The following TRPM3 variants were observed in gnomAD, a reference collection of about 807,000 sequenced individuals.
TRPM3 encodes the protein transient receptor potential cation channel subfamily M member 3, also known as long transient receptor potential channel 3.
Under a neutral mutation model 181.2 loss-of-function variants are expected in TRPM3, and 77 were observed. The ratio of observed to expected loss-of-function variants is 0.42; its 90% CI spans 0.35 to 0.51. The LOEUF (loss-of-function observed/expected upper bound fraction) is 0.51, where lower values mean the gene tolerates loss of function less well. Among genes scored for constraint, TRPM3 ranks in the 20% least tolerant of loss-of-function variants. The pLI is 0.01. For missense variants in TRPM3, 1,759 were observed against 2,196.7 expected, an observed-to-expected ratio of 0.80 and a Z score of 3.98; for synonymous variants, 745 against 796.4, an observed-to-expected ratio of 0.94 and a Z score of 1.09.
intron 9 of TRPM3, among the ~76,000 whole-genome samples, chr9:70,640,890 C>T (rs536506836): frequency 6.6e-6 from 1 of 152,140 alleles, no homozygotes; most frequent in African/African-American, 2.4e-5. Flanking sequence ...TTTTTAAAAA[C>T]TTTTTAAAAA....
chr9:71,335,195 C>G (rs1228634722), intron 1 of TRPM3, among the ~76,000 whole-genome samples: 2 of 152,090 alleles, frequency 1.3e-5, no homozygotes, highest in Admixed American at 6.6e-5. Flanking sequence ...TCTTGGAGAC[C>G]TGGAGTTAGC....
chr9:70,753,990 C>T (rs757279778), intron 8 of TRPM3, among the ~76,000 whole-genome samples: 2 of 152,096 alleles, frequency 1.3e-5, no homozygotes, highest in African/African-American at 4.8e-5. Context: ...GGCCACACAA[C>T]CATGGGGCTT....
At chr9:70,909,145 T>C (rs916913800) in intron 1 of TRPM3, among the ~76,000 whole-genome samples, 1 of 152,154 alleles carries the variant, frequency 6.6e-6, no homozygotes, top group African/African-American at 2.4e-5. Flanking sequence ...AAAAACTCCA[T>C]TGTAAGAAAT....
chr9:71,446,632 G>A (rs2094208096), intron 1 of TRPM3: 1 of 1,547,562 alleles, frequency 6.5e-7, no homozygotes, highest in Non-Finnish European at 8.7e-7. Context: ...CAAAGACTGG[G>A]GCTCTCCCCC....
intron 1 of TRPM3, among the ~76,000 whole-genome samples, chr9:71,424,250 T>C (rs1935338): frequency 0.56 from 85,065 of 152,042 alleles, 28,984 homozygotes; most frequent in Non-Finnish European, 0.76. Context: ...TTTGTTTACA[T>C]ATAGGTCAGG....
At chr9:71,351,870 G>GTTTTTTTTTTTTTTTTTTT (rs1398031517) in intron 1 of TRPM3, among the ~76,000 whole-genome samples, 5 of 95,656 alleles carry the variant, frequency 5.2e-5, no homozygotes, top group African/African-American at 8.0e-5. Context: ...TTGTTTGTTT[G>GTTTTTTTTTTTTTTTTTTT]TTTTTGTTTT....
At chr9:71,214,413 T>G (rs2079714051) in intron 1 of TRPM3, among the ~76,000 whole-genome samples, 1 of 152,188 alleles carries the variant, frequency 6.6e-6, no homozygotes, top group Non-Finnish European at 1.5e-5. Context: ...TTAAGAGTAA[T>G]GAAAACATAC....
chr9:70,803,512 G>T (rs2089864880), intron 6 of TRPM3, among the ~76,000 whole-genome samples: 1 of 143,808 alleles, frequency 7.0e-6, no homozygotes, highest in Non-Finnish European at 1.5e-5. Flanking sequence ...GCAGTGGTGC[G>T]ATCTCGGCTC....
At chr9:70,909,588 G>A (rs1264044783) in intron 1 of TRPM3, among the ~76,000 whole-genome samples, 4 of 152,150 alleles carry the variant, frequency 2.6e-5, no homozygotes, top group Admixed American at 2.6e-4. Flanking sequence ...CAAAAGGTAG[G>A]GGTTAGAAGG....
At chr9:70,835,055 C>T (rs2094214975) in intron 5 of TRPM3, among the ~76,000 whole-genome samples, 1 of 152,106 alleles carries the variant, frequency 6.6e-6, no homozygotes, top group Non-Finnish European at 1.5e-5. Context: ...CACATGAGAG[C>T]TCTTTGTTTA....
In TRPM3 at chr9:70,549,555, C is replaced by T. The variant is rs965622850; in HGVS notation, c.3694G>A (p.Val1232Met). ...FNSSNDERIR[V>M]TSERVENMSM... ...CACAGAACACACCTTTCTGAAGTCA[C>T]CCGTATCCTCTCATCATTAGATGAG... Residue 1232 changes from valine (V) to methionine (M), a missense_variant, in exon 25 of 26, where the codon GTG becomes ATG. Coordinates refer to ENST00000677713, the MANE Select transcript of TRPM3 (RefSeq NM_001366145.2). The T allele has an allele frequency of 1.9e-6, 3 of 1,613,208 alleles. No individual in the cohort carries two copies. The highest frequency in any genetic ancestry group is 2.7e-5 in the African/African-American group (2 of 74,842).
At chr9:70,661,639 C>T (rs1310425896) in intron 9 of TRPM3, among the ~76,000 whole-genome samples, 2 of 151,906 alleles carry the variant, frequency 1.3e-5, no homozygotes, top group East Asian at 1.9e-4. Context: ...CTGGAATACA[C>T]CAAAAATGAC....
chr9:71,331,571 T>C (rs2090113619), intron 1 of TRPM3, among the ~76,000 whole-genome samples: 1 of 151,442 alleles, frequency 6.6e-6, no homozygotes, highest in Non-Finnish European at 1.5e-5. Flanking sequence ...TTACTAAGCA[T>C]GCTTTTTACA....
chr9:70,681,493 C>T lies in TRPM3; in HGVS notation c.1345+13G>A. 1 of 1,611,628 alleles carries T rather than the reference C, an allele frequency of 6.2e-7. No individual in the cohort carries two copies. Among genetic ancestry groups the T allele is most frequent in the East Asian group, 2.2e-5 (1 of 44,840 alleles). ...AAATTATTTTCACACTCTCTGGACACAGACTCTTTTACCTTTGAGTAAAGC... is the reference window on the plus strand; with the variant it reads ...AAATTATTTTCACACTCTCTGGACATAGACTCTTTTACCTTTGAGTAAAGC... On this transcript the variant is annotated intron_variant, in intron 9 of 25. Coordinates refer to ENST00000677713, the MANE Select transcript of TRPM3 (RefSeq NM_001366145.2).
At chr9:71,314,902 C>T (rs943123193) in intron 1 of TRPM3, among the ~76,000 whole-genome samples, 21 of 151,206 alleles carry the variant, frequency 1.4e-4, no homozygotes, top group Non-Finnish European at 2.8e-4. Context: ...TCAGAGGCAG[C>T]GTGGAAGAGA....
chr9:70,787,164 A>G (rs562167168), intron 6 of TRPM3, among the ~76,000 whole-genome samples: 1 of 152,342 alleles, frequency 6.6e-6, no homozygotes, highest in East Asian at 1.9e-4. Flanking sequence ...CTAGAAGTAC[A>G]GAAAGATTTT....
intron 1 of TRPM3, among the ~76,000 whole-genome samples, chr9:71,419,485 T>C (rs1295211657): frequency 6.6e-6 from 1 of 151,958 alleles, no homozygotes; most frequent in Non-Finnish European, 1.5e-5. Context: ...CCTAAAGAAA[T>C]TGAAAAATCA....
At chr9:71,072,698 G>A (rs1165952645) in intron 1 of TRPM3, among the ~76,000 whole-genome samples, 1 of 152,130 alleles carries the variant, frequency 6.6e-6, no homozygotes, top group East Asian at 1.9e-4. Flanking sequence ...AGTGAGGGTC[G>A]TAATCAACTC....
chr9:71,039,797 C>T (rs78922803), intron 1 of TRPM3, among the ~76,000 whole-genome samples: 9,040 of 152,180 alleles, frequency 0.059, 400 homozygotes, highest in Admixed American at 0.13. Flanking sequence ...CTATAATTAT[C>T]ATTATACCCT....
Sources: allele counts gnomAD v4.1 joint callset (sites outside exome capture counted in the v4.1 genomes callset), GRCh38; gene constraint gnomAD v4.1.1; transcripts MANE v1.5; gene names NCBI Gene and HGNC (gene_info 2026-07-23, HGNC 2026-07-21).